Variants in NRBP1 observed in about 807,000 individuals in gnomAD.
The protein encoded by NRBP1 is nuclear receptor-binding protein.
Under a neutral mutation model 76.0 loss-of-function variants are expected in NRBP1, and 10 were observed. The ratio of observed to expected loss-of-function variants is 0.13; its 90% CI spans 0.08 to 0.22. The LOEUF is 0.22. NRBP1 is among the 10% of genes least tolerant of loss of function. The pLI is 1.00. For synonymous variants in NRBP1, 235 were observed against 240.2 expected (o/e 0.98, Z 0.20); for missense variants, 344 against 646.0 (o/e 0.53, Z 5.07).
rs1401331494 is a variant in NRBP1, at chr2:27,437,120, G to C, written c.804+15G>C. ...GTGCACTGGAGGTGAGGGGACTGGA[G>C]GGGAGGGGGGAAAGGGGTCAGATGA... On this transcript the variant is annotated intron_variant, in intron 9 of 17. Coordinates refer to ENST00000379852, the MANE Select transcript of NRBP1 (RefSeq NM_013392.4). The C allele has an allele frequency of 1.2e-6, 2 of 1,612,272 alleles. No homozygotes were observed. Among genetic ancestry groups the C allele is most frequent in the South Asian group, 1.1e-5 (1 of 91,040 alleles).
rs1572699052 is a variant in NRBP1 at position 27,442,201 on chromosome 2, G to A, written c.*389G>A. Reference sequence around the variant, plus strand: ...AAGGTGGTGCTGCAGTGGTGGCCCTGGGGGGCCATTCGATTCGCCTCAGTT... The same window carrying A: ...AAGGTGGTGCTGCAGTGGTGGCCCTAGGGGGCCATTCGATTCGCCTCAGTT... On this transcript the variant is annotated 3_prime_UTR_variant, in exon 18 of 18. Transcript: ENST00000379852. The A allele has an allele frequency of 1.1e-5, 6 of 542,078 alleles. No individual in the cohort carries two copies. The highest frequency in any genetic ancestry group is 1.9e-5 in the Non-Finnish European group (6 of 313,034). 33.6% of individuals were successfully genotyped at this position (542,078 alleles called of 1,614,324 possible). A position where few individuals can be genotyped will look rare whatever the true frequency, so the allele number is the denominator to read the frequency against.
At chr2:27,440,535 G>C in intron 12 of NRBP1, 27 bp downstream of exon 12, 1 of 1,601,848 alleles carries the variant, frequency 6.2e-7, no homozygotes, top group Non-Finnish European at 8.6e-7. Flanking sequence ...GTCTGAAAGG[G>C]GCAGATTGGT....
intron 16 of NRBP1, 85 bp downstream of exon 16, chr2:27,441,415 G>A: frequency 1.4e-6 from 2 of 1,444,904 alleles, no homozygotes; most frequent in South Asian, 1.1e-5. Flanking sequence ...GAGGTGACAA[G>A]GCAGTAACAC....
At chr2:27,438,661 G>A (rs1294033091) in intron 10 of NRBP1, among the ~76,000 whole-genome samples, 2 of 152,204 alleles carry the variant, frequency 1.3e-5, no homozygotes, top group African/African-American at 4.8e-5. Context: ...CATGCAGGAG[G>A]TAGAAAAGGA....
At chr2:27,436,626 T>C in intron 7 of NRBP1, 127 bp from the exon 8 acceptor site, 3 of 735,494 alleles carry the variant, frequency 4.1e-6, no homozygotes, top group Non-Finnish European at 7.3e-6. Flanking sequence ...AGGGAATATG[T>C]TTGTGCCTGT....
chr2:27,438,551 T>G (rs1429658463), intron 10 of NRBP1, among the ~76,000 whole-genome samples: 1 of 152,234 alleles, frequency 6.6e-6, no homozygotes, highest in Non-Finnish European at 1.5e-5. Context: ...AGTAAGTTTC[T>G]ACTTCAACAT....
At position 27,433,262 on chromosome 2, in the gene NRBP1, G is replaced by A; in HGVS notation, c.-12G>A. 6.8e-6 allele frequency: 11 copies of A among 1,611,480 alleles called. No homozygotes were observed. Among genetic ancestry groups the A allele is most frequent in the Non-Finnish European group, 7.6e-6 (9 of 1,178,256 alleles). Reference sequence around the variant, plus strand: ...TGCCCCAACCAGTGCAGGCCTGAGTGTTCCTTCCAGCATGTCGGAGGGGGA... The same window carrying A: ...TGCCCCAACCAGTGCAGGCCTGAGTATTCCTTCCAGCATGTCGGAGGGGGA... On this transcript the variant is annotated 5_prime_UTR_variant, in exon 2 of 18. Coordinates refer to ENST00000379852, the MANE Select transcript of NRBP1 (RefSeq NM_013392.4).
chr2:27,437,979 G>A (rs1004190816), intron 10 of NRBP1, among the ~76,000 whole-genome samples: 1 of 151,990 alleles, frequency 6.6e-6, no homozygotes, highest in African/African-American at 2.4e-5. Flanking sequence ...TTGAGGTCAG[G>A]AGTTTGAGAC....
intron 10 of NRBP1, among the ~76,000 whole-genome samples, chr2:27,438,923 T>C (rs999329944): frequency 2.0e-5 from 3 of 152,004 alleles, no homozygotes; most frequent in African/African-American, 4.8e-5. Flanking sequence ...TGTGCCACTG[T>C]ACTCCAGCCT....
intron 12 of NRBP1, 36 bp from the exon 13 acceptor site, chr2:27,440,616 T>G: frequency 6.2e-7 from 1 of 1,613,700 alleles, no homozygotes; most frequent in Non-Finnish European, 8.5e-7. Context: ...TTTGCTTGTT[T>G]CTTTCCTTCC....
At chr2:27,428,148 A>G (rs1023471052), upstream of NRBP1, 4 of 152,616 alleles carry the variant, frequency 2.6e-5, no homozygotes. Context: ...GTGCTAAGCA[A>G]TCACCAAGCG....
At position 27,436,766 on chromosome 2, in the gene NRBP1, T is replaced by C. The variant is rs146601994; in HGVS notation, c.675T>C (p.Thr225=). ...LIKIGSVAPD[T]INNHVKTCRE... The stretch of plus-strand genomic sequence containing the variant: ...CCCTACTCCCAGTGGCTCCTGACAC[T>C]ATCAACAATCATGTGAAGACTTGTC... Residue 225 remains threonine, a synonymous_variant, in exon 8 of 18, where the codon ACT becomes ACC. Transcript: ENST00000379852. 1.6e-3 allele frequency: 2,514 copies of C among 1,613,942 alleles called. 50 individuals are homozygous for C. In the Admixed American group the frequency reaches 0.031, roughly 20 times the overall value.
intron 7 of NRBP1, 175 bp from the exon 8 acceptor site, chr2:27,436,578 G>A (rs1431972231): frequency 3.3e-6 from 2 of 598,612 alleles, no homozygotes; most frequent in Admixed American, 2.9e-5. Context: ...AGGGGAGGTA[G>A]GTGGCATCCA....
rs781036364 is a variant in NRBP1 at position 27,434,069 on chromosome 2, C to T, written c.414C>T (p.Asp138=). 1 of 1,613,844 alleles carries T rather than the reference C, an allele frequency of 6.2e-7. No homozygotes were observed. The highest frequency in any genetic ancestry group is 1.1e-5 in the South Asian group (1 of 91,056). ...NIVKFHKYWA[D]IKENKARVIF... is the part of the protein sequence containing the mutation. ...TTAAGTTTCACAAATATTGGGCTGA[C>T]ATTAAAGAGAACAAGGCCAGGGTAA... Residue 138 remains aspartate (D), a synonymous_variant, in exon 4 of 18, where the codon GAC becomes GAT. Transcript: ENST00000379852.
chr2:27,428,847 G>A lies in NRBP1; in HGVS notation c.-21+116G>A, dbSNP rs1332560393. ...CCAGTCGGGTGCTGAAGGCGGCCCT[G>A]CTCACTCAGTAGCCCAGGCCCGATC... On this transcript the variant is annotated intron_variant, in intron 1 of 17. Transcript: ENST00000379852. 7.5e-6 allele frequency: 3 copies of A among 397,780 alleles called. No homozygotes were observed. The East Asian group carries it at 1.1e-4, about 14-fold the overall frequency. The allele number at this position is 397,780 out of a possible 1,614,324, so 24.6% of individuals were successfully genotyped here. A position where few individuals can be genotyped will look rare whatever the true frequency, so the allele number is the denominator to read the frequency against.
intron 7 of NRBP1, chr2:27,435,849 A>G (rs1664287103): frequency 8.4e-6 from 6 of 712,920 alleles, no homozygotes; most frequent in South Asian, 7.4e-5. Context: ...CTCTTCCCCT[A>G]TCTTCCCTGC....
intron 11 of NRBP1, 51 bp from the exon 12 acceptor site, chr2:27,440,352 C>A: frequency 7.8e-7 from 1 of 1,274,824 alleles, no homozygotes; most frequent in Non-Finnish European, 1.1e-6. Flanking sequence ...CCTTCTTTGA[C>A]ATTTAATCTG....
chr2:27,434,285 G>A (rs1664224508), intron 4 of NRBP1, among the ~76,000 whole-genome samples, 186 bp from the exon 5 acceptor site: 2 of 152,196 alleles, frequency 1.3e-5, no homozygotes, highest in African/African-American at 4.8e-5. Flanking sequence ...CAGAAAATGA[G>A]TGAACTTTTG....
At position 27,440,910 on chromosome 2, in the gene NRBP1, A is replaced by G. The variant is rs1201635855; in HGVS notation, c.1299A>G (p.Thr433=). The change falls in exon 14 of 18, where the codon ACA becomes ACG. Residue 433 remains threonine (T), a synonymous_variant. Transcript: ENST00000379852. ...PVVPPSVKTP[T]PEPAEVETRK... ...TGCCCCCCTCTGTCAAGACTCCGAC[A>G]CCTGAACCAGCTGAGGTGGAGACTC... 9 of 1,613,696 alleles carry G rather than the reference A, an allele frequency of 5.6e-6. No homozygotes were observed. Among genetic ancestry groups the G allele is most frequent in the Non-Finnish European group, 7.6e-6 (9 of 1,180,034 alleles).
Sources: allele counts gnomAD v4.1 joint callset (sites outside exome capture counted in the v4.1 genomes callset), GRCh38; gene constraint gnomAD v4.1.1; transcripts MANE v1.5; gene names NCBI Gene and HGNC (gene_info 2026-07-23, HGNC 2026-07-21).